GALNT13: variants seen among roughly 807,000 people sequenced by gnomAD.
GALNT13 encodes polypeptide N-acetylgalactosaminyltransferase 13, also known as UDP-GalNAc:polypeptide N-acetylgalactosaminyltransferase 13.
A neutral mutation model predicts 64.2 loss-of-function variants in GALNT13; 28 were observed. The observed-to-expected ratio is 0.44, with a 90% CI of 0.32 to 0.60. GALNT13 has a LOEUF of 0.60. Ranked by LOEUF, GALNT13 falls within the 20% of genes least tolerant of loss-of-function variation. The pLI, the probability that GALNT13 is intolerant of heterozygous loss-of-function variation, is 0.05. For synonymous variants in GALNT13, 214 were observed against 224.6 expected (o/e 0.95, Z 0.42); for missense variants, 577 against 669.8 (o/e 0.86, Z 1.53).
At chr2:154,149,249 G>A (rs142042767) in intron 4 of GALNT13, among the ~76,000 whole-genome samples, 6,204 of 152,106 alleles carry the variant, frequency 0.041, 160 homozygotes, top group Non-Finnish European at 0.053. Context: ...GATATGCGGC[G>A]TTATTTCTGA....
At chr2:153,985,798 G>A (rs1251078280) in intron 3 of GALNT13, among the ~76,000 whole-genome samples, 2 of 151,964 alleles carry the variant, frequency 1.3e-5, no homozygotes, top group Non-Finnish European at 2.9e-5. Context: ...TTTGCCTGAT[G>A]AATTTTCCTG....
At chr2:153,114,327 A>G in the GALNT13 span, among the ~76,000 whole-genome samples, 7 of 151,996 alleles carry the variant, frequency 4.6e-5, no homozygotes, top group Admixed American at 1.3e-4. Context: ...TGAACAACCA[A>G]CCCCATGGTT....
chr2:154,136,522 A>G lies in GALNT13; in HGVS notation c.143-3815A>G, dbSNP rs112884750. ...TTCACAATGTAATATACATAAGCAAATAATGCAATTGATAAATAGTGTTCT... is the reference window on the plus strand; with the variant it reads ...TTCACAATGTAATATACATAAGCAAGTAATGCAATTGATAAATAGTGTTCT... On this transcript the variant is annotated intron_variant, in intron 3 of 12. Coordinates refer to ENST00000392825, the MANE Select transcript of GALNT13 (RefSeq NM_052917.4). Among the ~76,000 whole-genome samples the G allele has an allele frequency of 6.6e-5, 10 of 152,280 alleles. 1 individual carries two copies. Among genetic ancestry groups the G allele is most frequent in the African/African-American group, 2.2e-4 (9 of 41,582 alleles).
At chr2:154,069,121 T>C (rs970524648) in intron 3 of GALNT13, among the ~76,000 whole-genome samples, 2 of 152,100 alleles carry the variant, frequency 1.3e-5, no homozygotes, top group Non-Finnish European at 2.9e-5. Flanking sequence ...AAAGTCAATG[T>C]AGAATTCTAT....
intron 1 of GALNT13, among the ~76,000 whole-genome samples, chr2:153,893,954 G>T (rs1687727930): frequency 6.6e-6 from 1 of 152,174 alleles, no homozygotes; most frequent in South Asian, 2.1e-4. Context: ...TGAAGCAAAA[G>T]GTATAAATTA....
chr2:153,393,267 A>T, the GALNT13 span, among the ~76,000 whole-genome samples: 3 of 146,038 alleles, frequency 2.1e-5, no homozygotes, highest in East Asian at 2.0e-4. Flanking sequence ...AGAAGTCTCC[A>T]TTTTTTTTTT....
chr2:153,848,607 C>T, the GALNT13 span, among the ~76,000 whole-genome samples: 4 of 151,916 alleles, frequency 2.6e-5, no homozygotes, highest in African/African-American at 9.7e-5. Context: ...AAAGGAAATA[C>T]AAATTTCTCA....
Position 154,095,672 on chromosome 2 carries a change from T to C in GALNT13, c.143-44665T>C, listed in dbSNP as rs568862557. ...ATGTACTTCTATATTTATTCAGTCT[T>C]TACTTCCAAATATGCTAATTACTAA... On this transcript the variant is annotated intron_variant, in intron 3 of 12. Coordinates refer to ENST00000392825, the MANE Select transcript of GALNT13 (RefSeq NM_052917.4). Among the ~76,000 whole-genome samples the C allele has an allele frequency of 2.6e-5, 4 of 152,146 alleles. No homozygotes were observed. In the South Asian group the frequency reaches 8.3e-4, roughly 32 times the overall value.
chr2:154,328,677 G>A (rs1695006305), intron 9 of GALNT13, among the ~76,000 whole-genome samples: 1 of 152,022 alleles, frequency 6.6e-6, no homozygotes, highest in African/African-American at 2.4e-5. Context: ...TATACCTACA[G>A]GTAGAATTGC....
the GALNT13 span, among the ~76,000 whole-genome samples, chr2:153,344,780 A>G: frequency 6.6e-6 from 1 of 152,228 alleles, no homozygotes; most frequent in Admixed American, 6.5e-5. Flanking sequence ...TAACAGTATG[A>G]GGTGATGGAT....
chr2:154,252,765 A>AGAT (rs1690150403), intron 7 of GALNT13, among the ~76,000 whole-genome samples: 1 of 150,932 alleles, frequency 6.6e-6, no homozygotes, highest in Non-Finnish European at 1.5e-5. Context: ...ATAGATAGAT[A>AGAT]GATAGATAGA....
chr2:153,581,078 CTG>C, the GALNT13 span, among the ~76,000 whole-genome samples: 1 of 152,134 alleles, frequency 6.6e-6, no homozygotes, highest in East Asian at 1.9e-4. Flanking sequence ...TTGTAGGTCT[CTG>C]TCTTTTTCAT....
At chr2:154,131,050 A>G (rs1682584644) in intron 3 of GALNT13, among the ~76,000 whole-genome samples, 1 of 152,184 alleles carries the variant, frequency 6.6e-6, no homozygotes, top group South Asian at 2.1e-4. Flanking sequence ...AGCTGAAACT[A>G]AGGCCATTAC....
chr2:154,280,994 A>G (rs1397245435), intron 8 of GALNT13, among the ~76,000 whole-genome samples: 1 of 152,228 alleles, frequency 6.6e-6, no homozygotes, highest in Non-Finnish European at 1.5e-5. Flanking sequence ...AAAAATTCCA[A>G]TAATTCTACT....
the GALNT13 span, among the ~76,000 whole-genome samples, chr2:153,836,442 G>T: frequency 3.3e-5 from 5 of 151,482 alleles, no homozygotes; most frequent in African/African-American, 1.2e-4. Flanking sequence ...TAGAAAGTTT[G>T]TACTGTATGA....
intron 3 of GALNT13, among the ~76,000 whole-genome samples, chr2:154,089,153 A>G (rs1701675171): frequency 6.6e-6 from 1 of 152,054 alleles, no homozygotes; most frequent in Non-Finnish European, 1.5e-5. Flanking sequence ...TATTCCAAAC[A>G]AGTGAGTTCC....
chr2:153,398,098 G>A, the GALNT13 span, among the ~76,000 whole-genome samples: 1 of 107,344 alleles, frequency 9.3e-6, no homozygotes, highest in African/African-American at 3.7e-5. Context: ...ACAGTCCCCA[G>A]AGTGTGATAT....
chr2:153,512,284 G>A, the GALNT13 span, among the ~76,000 whole-genome samples: 1 of 152,124 alleles, frequency 6.6e-6, no homozygotes, highest in African/African-American at 2.4e-5. Flanking sequence ...TCAAAACTGG[G>A]TTTTTAGAGA....
intron 12 of GALNT13, among the ~76,000 whole-genome samples, chr2:154,440,658 G>A (rs1701243376): frequency 6.6e-6 from 1 of 151,982 alleles, no homozygotes; most frequent in Non-Finnish European, 1.5e-5. Context: ...TAAATAATTT[G>A]ATCATCTGAA....
Sources: gnomAD v4.1 joint callset for allele counts (sites outside exome capture counted in the v4.1 genomes callset) on GRCh38, gnomAD v4.1.1 for gene constraint, MANE v1.5 for transcripts, NCBI Gene and HGNC (gene_info 2026-07-23, HGNC 2026-07-21) for gene names.